The following RSU1 variants were observed in gnomAD, a reference collection of about 807,000 sequenced individuals.
RSU1 encodes rsu-1.
RSU1 carries 26 observed loss-of-function variants against 31.1 expected under a neutral mutation model. The observed-to-expected ratio is 0.84, with a 90% CI of 0.61 to 1.16. The LOEUF (loss-of-function observed/expected upper bound fraction) is 1.16, where lower values mean the gene tolerates loss of function less well. RSU1 is among the 50% of genes most tolerant of loss of function. The pLI is 0.00. For synonymous variants in RSU1, 164 were observed against 136.3 expected (o/e 1.20, Z -1.41); for missense variants, 320 against 339.1 (o/e 0.94, Z 0.44).
At chr10:16,643,944 A>C (rs1385440177) in intron 8 of RSU1, among the ~76,000 whole-genome samples, 2 of 152,222 alleles carry the variant, frequency 1.3e-5, no homozygotes, top group Non-Finnish European at 2.9e-5. Flanking sequence ...CAGTGTAACA[A>C]CTATTTACAT....
chr10:16,731,733 T>A (rs563185776), intron 7 of RSU1, among the ~76,000 whole-genome samples: 3 of 152,352 alleles, frequency 2.0e-5, no homozygotes, highest in African/African-American at 7.2e-5. Context: ...CTGCATTTCA[T>A]TGACTGCTAC....
chr10:16,681,002 A>G (rs1835319984), intron 8 of RSU1, among the ~76,000 whole-genome samples: 1 of 152,232 alleles, frequency 6.6e-6, no homozygotes, highest in African/African-American at 2.4e-5. Flanking sequence ...TTGGGAAATG[A>G]TGCTTCCTAT....
At chr10:16,641,379 C>A (rs113811739) in intron 8 of RSU1, among the ~76,000 whole-genome samples, 3 of 151,950 alleles carry the variant, frequency 2.0e-5, no homozygotes, top group African/African-American at 7.2e-5. Flanking sequence ...GTAGTCCCAG[C>A]TACTCGGGAG....
chr10:16,738,168 C>G (rs564419181), intron 7 of RSU1, among the ~76,000 whole-genome samples: 2 of 152,078 alleles, frequency 1.3e-5, no homozygotes, highest in Non-Finnish European at 2.9e-5. Flanking sequence ...AAGAAGAGGC[C>G]GGGCACGGTG....
rs146716854 is a variant in RSU1 at position 16,693,332 on chromosome 10, C to A, written c.731+1691G>T. 7.0e-4 allele frequency among the ~76,000 whole-genome samples: 107 copies of A among 152,264 alleles called. No homozygotes were observed. In the East Asian group the frequency reaches 0.016, roughly 23 times the overall value. On this transcript the variant is annotated intron_variant, in intron 8 of 8. Transcript: ENST00000345264. Reference sequence around the variant, plus strand: ...CCACAGCAAGTGCTAAATGTTTGACCAGGAGCATGGCGCTCAGGCTGCAAG... The same window carrying A: ...CCACAGCAAGTGCTAAATGTTTGACAAGGAGCATGGCGCTCAGGCTGCAAG...
chr10:16,809,813 C>T (rs759036834), intron 2 of RSU1, among the ~76,000 whole-genome samples: 9 of 150,082 alleles, frequency 6.0e-5, no homozygotes, highest in Non-Finnish European at 8.9e-5. Context: ...GTTATAATGG[C>T]AAAGCAGTGA....
At chr10:16,814,183 T>C (rs1405947429) in intron 2 of RSU1, among the ~76,000 whole-genome samples, 1 of 152,156 alleles carries the variant, frequency 6.6e-6, no homozygotes, top group African/African-American at 2.4e-5. Flanking sequence ...CTCACATGTG[T>C]AATGCCAGCA....
At chr10:16,641,491 CAAAAAAAAAA>C (rs59893762) in intron 8 of RSU1, among the ~76,000 whole-genome samples, 86 of 114,382 alleles carry the variant, frequency 7.5e-4, no homozygotes, top group African/African-American at 2.5e-3. Flanking sequence ...GACTTTATCT[CAAAAAAAAAA>C]AAAAAAATTA....
chr10:16,744,545 G>C (rs147388429), intron 7 of RSU1, among the ~76,000 whole-genome samples: 3 of 152,270 alleles, frequency 2.0e-5, no homozygotes, highest in South Asian at 2.1e-4. Flanking sequence ...ATCAGTTACT[G>C]CAAGTACTAC....
At chr10:16,684,496 T>A (rs1451017731) in intron 8 of RSU1, among the ~76,000 whole-genome samples, 1 of 152,126 alleles carries the variant, frequency 6.6e-6, no homozygotes, top group African/African-American at 2.4e-5. Context: ...TCACCCCGGA[T>A]AACTGATATC....
In RSU1 at chr10:16,593,104, TA is replaced by T; in HGVS notation, c.*289del. 1 of 291,748 alleles carries T rather than the reference TA, an allele frequency of 3.4e-6. No homozygotes were observed. Among genetic ancestry groups the T allele is most frequent in the Non-Finnish European group, 6.3e-6 (1 of 158,870 alleles). 18.1% of individuals were successfully genotyped at this position (291,748 alleles called of 1,614,324 possible). A position where few individuals can be genotyped will look rare whatever the true frequency, so the allele number is the denominator to read the frequency against. On this transcript the variant is annotated 3_prime_UTR_variant, in exon 9 of 9. Coordinates refer to ENST00000345264, the MANE Select transcript of RSU1 (RefSeq NM_012425.4). ...TGATAATAAGCAACCTTGTGATATCTATTCAAGAAAAGCCAGAGCCCACTAT... is the reference window on the plus strand; with the variant it reads ...TGATAATAAGCAACCTTGTGATATCTTTCAAGAAAAGCCAGAGCCCACTAT...
At chr10:16,766,624 A>G (rs933201497) in intron 3 of RSU1, among the ~76,000 whole-genome samples, 8 of 152,156 alleles carry the variant, frequency 5.3e-5, no homozygotes, top group Admixed American at 2.6e-4. Flanking sequence ...CTGAGGCAGG[A>G]GAATCGCTTG....
intron 7 of RSU1, among the ~76,000 whole-genome samples, chr10:16,729,504 T>C (rs1370968639): frequency 2.0e-5 from 3 of 151,826 alleles, no homozygotes; most frequent in Non-Finnish European, 4.4e-5. Context: ...TCAAGGAAGG[T>C]TAACTGTATG....
At chr10:16,674,485 C>A (rs886792445) in intron 8 of RSU1, among the ~76,000 whole-genome samples, 2 of 150,634 alleles carry the variant, frequency 1.3e-5, no homozygotes, top group Non-Finnish European at 2.9e-5. Context: ...CAGCTCTCAT[C>A]GAATATTCAG....
At chr10:16,743,334 A>T (rs1421586278) in intron 7 of RSU1, among the ~76,000 whole-genome samples, 3 of 152,202 alleles carry the variant, frequency 2.0e-5, no homozygotes, top group African/African-American at 7.2e-5. Flanking sequence ...TCTGTCTATA[A>T]TAAGCCATGT....
intron 8 of RSU1, among the ~76,000 whole-genome samples, chr10:16,599,962 G>T (rs1281104431): frequency 6.6e-6 from 1 of 152,176 alleles, no homozygotes; most frequent in Non-Finnish European, 1.5e-5. Context: ...CTTAGCCCAG[G>T]AACTGGAGGA....
chr10:16,753,080 C>G (rs1837013135), intron 5 of RSU1, 80 bp from the exon 6 acceptor site: 4 of 1,065,236 alleles, frequency 3.8e-6, no homozygotes, highest in Non-Finnish European at 5.7e-6. Flanking sequence ...AGGGAGTCAG[C>G]TTTGATTAAT....
rs1470363981 is a variant in RSU1, at chr10:16,593,230, C to CAAAAG, written c.*159_*163dup. ...GACCTTATAACAATCTCCCACCTAG[C>CAAAAG]AAAAGAATCTAAAAGGTAAGGTGGG... is the stretch of plus-strand genomic sequence containing the variant. On this transcript the variant is annotated 3_prime_UTR_variant, in exon 9 of 9. Transcript: ENST00000345264. The CAAAAG allele has an allele frequency of 6.0e-6, 8 of 1,334,880 alleles. No individual in the cohort carries two copies. Among genetic ancestry groups the CAAAAG allele is most frequent in the Admixed American group, 5.8e-5 (2 of 34,592 alleles). 82.7% of individuals were successfully genotyped at this position (1,334,880 alleles called of 1,614,324 possible).
chr10:16,724,660 G>C (rs2131594183), intron 7 of RSU1, among the ~76,000 whole-genome samples: 1 of 152,300 alleles, frequency 6.6e-6, no homozygotes, highest in Middle Eastern at 3.4e-3. Flanking sequence ...GTCCGAGAAG[G>C]AGGTGACAGG....
Sources: gnomAD v4.1 joint callset for allele counts (sites outside exome capture counted in the v4.1 genomes callset) on GRCh38, gnomAD v4.1.1 for gene constraint, MANE v1.5 for transcripts, NCBI Gene and HGNC (gene_info 2026-07-23, HGNC 2026-07-21) for gene names.